The following ARID1B variants were observed in gnomAD, a reference collection of about 807,000 sequenced individuals.
ARID1B encodes the protein AT-rich interaction domain 1B, also known as AT-rich interactive domain-containing protein 1B.
A neutral mutation model predicts 212.3 loss-of-function variants in ARID1B; 30 were observed. The observed-to-expected ratio is 0.14, with a 90% confidence interval of 0.11 to 0.19. ARID1B has a LOEUF of 0.19. Ranked by LOEUF, ARID1B falls within the 10% of genes least tolerant of loss-of-function variation. The probability of loss-of-function intolerance (pLI) is 1.00; values close to 1 mark genes in which losing one functional copy is unlikely to be tolerated. For synonymous variants in ARID1B, 1,402 were observed against 1,301.7 expected (o/e 1.08, Z -1.66); for missense variants, 2,891 against 3,204.0 (o/e 0.90, Z 2.36).
chr6:156,811,639 A>G (rs1015173778), intron 1 of ARID1B, among the ~76,000 whole-genome samples: 2 of 152,166 alleles, frequency 1.3e-5, no homozygotes, highest in South Asian at 2.1e-4. Context: ...GAGCCTGTGC[A>G]TGCCTGTACC....
At chr6:156,808,699 A>G (rs1316504100) in intron 1 of ARID1B, among the ~76,000 whole-genome samples, 11 of 152,258 alleles carry the variant, frequency 7.2e-5, no homozygotes, top group Admixed American at 6.5e-4. Flanking sequence ...ATTGAAAATA[A>G]AAACATTATC....
chr6:157,206,315 C>A lies in ARID1B; in HGVS notation c.5543C>A (p.Ala1848Glu). The A allele has an allele frequency of 6.2e-7, 1 of 1,614,156 alleles. No homozygotes were observed. The highest frequency in any genetic ancestry group is 8.5e-7 in the Non-Finnish European group (1 of 1,180,026). Residue 1848 changes from alanine to glutamate, a missense_variant, in exon 20 of 20, where the codon GCA becomes GAA. Physicochemically the swap from Ala to Glu is moderately radical, Grantham distance 107. Around this residue, in one of 7 missense-constraint regions of ARID1B, gnomAD observed 332 missense variants for 369.2 expected, o/e 0.90. Coordinates refer to ENST00000636930, the MANE Select transcript of ARID1B (RefSeq NM_001374828.1). The surrounding 1 kb of genome is among the most constrained non-coding windows in gnomAD (Gnocchi z 6.8). ...AGGAAGGATGACAGCCAGTCCTTGGCAGACGATTCTGGGAAAGAGGAGGAA... is the reference window on the plus strand; with the variant it reads ...AGGAAGGATGACAGCCAGTCCTTGGAAGACGATTCTGGGAAAGAGGAGGAA... ...AARKDDSQSL[A>E]DDSGKEEEDA...
At chr6:156,890,727 G>A (rs969819971) in intron 2 of ARID1B, among the ~76,000 whole-genome samples, 4 of 152,144 alleles carry the variant, frequency 2.6e-5, no homozygotes, top group East Asian at 1.9e-4. Flanking sequence ...TTCTCATCCC[G>A]GGTCATCTTT....
At chr6:157,002,583 G>A (rs1209876450) in intron 4 of ARID1B, among the ~76,000 whole-genome samples, 1 of 152,228 alleles carries the variant, frequency 6.6e-6, no homozygotes, top group Non-Finnish European at 1.5e-5. Context: ...TTTTATGGTT[G>A]TGATACATTT....
rs2128375607 is a variant in ARID1B at position 157,201,275 on chromosome 6, C to T, written c.5050C>T (p.Arg1684Cys). 6.2e-7 allele frequency: 1 copy of T among 1,614,058 alleles called. No homozygotes were observed. Among genetic ancestry groups the T allele is most frequent in the Non-Finnish European group, 8.5e-7 (1 of 1,180,018 alleles). The change falls in exon 18 of 20, where the codon CGC becomes TGC. Residue 1684 changes from arginine (R) to cysteine (C), a missense_variant. Arg to Cys is a radical substitution (Grantham distance 180). Transcript: ENST00000636930. The surrounding 1 kb of genome is among the most constrained non-coding windows in gnomAD (Gnocchi z 5.2). ...SRAPSPASFQ[R>C]SLENRMSPSK... ...GGCGCCCAGCCCAGCGTCCTTCCAG[C>T]GCTCCCTGGAGAACCGCATGTCTCC...
At chr6:156,877,525 A>G (rs999938689) in intron 2 of ARID1B, among the ~76,000 whole-genome samples, 1 of 151,878 alleles carries the variant, frequency 6.6e-6, no homozygotes, top group African/African-American at 2.4e-5. Context: ...GTGTCTCCCT[A>G]TATTAAAATT....
chr6:157,036,759 C>T, intron 4 of ARID1B: 1 of 481,460 alleles, frequency 2.1e-6, no homozygotes, highest in East Asian at 5.0e-5. Context: ...TAGGCCATGC[C>T]TGTGTCTGGT....
intron 4 of ARID1B, among the ~76,000 whole-genome samples, chr6:157,047,565 G>T (rs1304538487): frequency 6.6e-6 from 1 of 152,204 alleles, no homozygotes; most frequent in East Asian, 1.9e-4. Context: ...AAGGTGAGTG[G>T]AGGGACCATA....
In ARID1B at chr6:157,187,133, A is replaced by T. The variant is rs1235262480; in HGVS notation, c.3920-2509A>T. ...AAGGTGCCAGTGGCGATCTTGTTAT[A>T]AAGCATCTAGAAAAGGTTGTGGGGG... On this transcript the variant is annotated intron_variant, in intron 13 of 19. Transcript: ENST00000636930. Among the ~76,000 whole-genome samples the T allele has an allele frequency of 2.0e-5, 3 of 152,308 alleles. No individual in the cohort carries two copies. The East Asian group carries it at 5.8e-4, about 29-fold the overall frequency.
intron 4 of ARID1B, among the ~76,000 whole-genome samples, chr6:156,971,095 T>C (rs1426879784): frequency 1.3e-5 from 2 of 152,214 alleles, no homozygotes; most frequent in Non-Finnish European, 2.9e-5. Context: ...TTCTTTATAA[T>C]TAAGAGTAAT....
At chr6:157,112,983 AC>A (rs1787040809) in intron 6 of ARID1B, among the ~76,000 whole-genome samples, 2 of 149,296 alleles carry the variant, frequency 1.3e-5, no homozygotes, top group Admixed American at 6.7e-5. Context: ...GTGCAATGGC[AC>A]GATCTCAGCT....
intron 4 of ARID1B, among the ~76,000 whole-genome samples, chr6:156,968,101 C>T (rs937012777): frequency 6.6e-6 from 1 of 152,232 alleles, no homozygotes; most frequent in African/African-American, 2.4e-5. Flanking sequence ...CATGTAGCCA[C>T]TGTCCTTGAG....
chr6:157,172,205 G>A (rs1040643723), intron 9 of ARID1B, among the ~76,000 whole-genome samples: 5 of 152,004 alleles, frequency 3.3e-5, no homozygotes, highest in African/African-American at 7.3e-5. Flanking sequence ...TTCATATCTC[G>A]TTAGACCCCA....
At chr6:156,891,608 T>C (rs914381584) in intron 2 of ARID1B, among the ~76,000 whole-genome samples, 5 of 152,222 alleles carry the variant, frequency 3.3e-5, no homozygotes, top group Non-Finnish European at 7.3e-5. Context: ...TGTAGCCTGC[T>C]ATCTTTAAAC....
chr6:156,883,552 A>ATGG (rs1787267254), intron 2 of ARID1B, among the ~76,000 whole-genome samples: 1 of 151,906 alleles, frequency 6.6e-6, no homozygotes, highest in Non-Finnish European at 1.5e-5. Flanking sequence ...TCTGAACGCC[A>ATGG]TGTCTTCCAT....
intron 4 of ARID1B, among the ~76,000 whole-genome samples, chr6:156,987,803 T>C (rs1778025058): frequency 6.6e-6 from 1 of 152,380 alleles, no homozygotes; most frequent in South Asian, 2.1e-4. Context: ...CTTGTTTATG[T>C]TATTTACCCT....
At chr6:156,864,494 GT>G (rs2128133218) in intron 2 of ARID1B, among the ~76,000 whole-genome samples, 1 of 152,260 alleles carries the variant, frequency 6.6e-6, no homozygotes, top group South Asian at 2.1e-4. Flanking sequence ...TTAAAAAGTT[GT>G]TATTTGTATC....
At chr6:156,962,123 C>T (rs2128324979) in intron 4 of ARID1B, among the ~76,000 whole-genome samples, 1 of 152,162 alleles carries the variant, frequency 6.6e-6, no homozygotes, top group Non-Finnish European at 1.5e-5. Flanking sequence ...CACGGTGAAA[C>T]CTCGTCTCTA....
chr6:157,051,101 C>T (rs1435855004), intron 4 of ARID1B, among the ~76,000 whole-genome samples: 2 of 152,166 alleles, frequency 1.3e-5, no homozygotes, highest in Non-Finnish European at 2.9e-5. Context: ...TGTGATTATT[C>T]TGCTGCACTG....
Sources: gnomAD v4.1 joint callset for allele counts (sites outside exome capture counted in the v4.1 genomes callset) on GRCh38, gnomAD v4.1.1 for gene constraint, gnomAD v4.1.1 regional missense constraint, Gnocchi (gnomAD v3.1) non-coding constraint, MANE v1.5 for transcripts, NCBI Gene and HGNC (gene_info 2026-07-23, HGNC 2026-07-21) for gene names.